The following ZMAT4 variants were observed in gnomAD, a reference collection of about 807,000 sequenced individuals.
The protein encoded by ZMAT4 is zinc finger matrin-type 4.
Under a neutral mutation model 28.7 loss-of-function variants are expected in ZMAT4, and 17 were observed. The observed-to-expected ratio is 0.59, with a 90% confidence interval of 0.41 to 0.89. ZMAT4 has a LOEUF of 0.89. Ranked by LOEUF, ZMAT4 falls within the 40% of genes least tolerant of loss-of-function variation. The pLI is 0.00. For synonymous variants in ZMAT4, 117 were observed against 109.2 expected (o/e 1.07, Z -0.44); for missense variants, 240 against 283.8 (o/e 0.85, Z 1.11).
chr8:40,656,682 C>T (rs1034691352), intron 5 of ZMAT4, among the ~76,000 whole-genome samples: 5 of 151,786 alleles, frequency 3.3e-5, no homozygotes, highest in African/African-American at 7.3e-5. Flanking sequence ...TGAAGAATGT[C>T]GAGACTACCT....
At chr8:40,693,353 C>T (rs1809739155) in intron 4 of ZMAT4, among the ~76,000 whole-genome samples, 1 of 151,982 alleles carries the variant, frequency 6.6e-6, no homozygotes, top group African/African-American at 2.4e-5. Flanking sequence ...TGGGCTCAAG[C>T]AATCCTCCAG....
At chr8:40,741,562 G>A (rs138787433) in intron 3 of ZMAT4, among the ~76,000 whole-genome samples, 1 of 152,208 alleles carries the variant, frequency 6.6e-6, no homozygotes, top group East Asian at 1.9e-4. Flanking sequence ...TAAAAAGATT[G>A]GTAATATCCA....
At chr8:40,848,223 T>A (rs929560977) in intron 1 of ZMAT4, among the ~76,000 whole-genome samples, 7 of 152,126 alleles carry the variant, frequency 4.6e-5, no homozygotes, top group Admixed American at 2.0e-4. Context: ...GAGAAATGAT[T>A]GTCCCAAAGC....
At chr8:40,738,226 C>T (rs1286500951) in intron 3 of ZMAT4, among the ~76,000 whole-genome samples, 1 of 151,944 alleles carries the variant, frequency 6.6e-6, no homozygotes, top group African/African-American at 2.4e-5. Context: ...AGTTGGATTG[C>T]AGTGGAGACA....
chr8:40,849,530 T>C (rs1817026731), intron 1 of ZMAT4, among the ~76,000 whole-genome samples: 1 of 152,194 alleles, frequency 6.6e-6, no homozygotes, highest in African/African-American at 2.4e-5. Flanking sequence ...GGATGCCACC[T>C]GTCCCCTGAA....
chr8:40,815,534 A>C (rs573301932), intron 2 of ZMAT4, among the ~76,000 whole-genome samples: 2 of 152,340 alleles, frequency 1.3e-5, no homozygotes, highest in East Asian at 3.9e-4. Flanking sequence ...TACCACAGGC[A>C]GTGCCCTCAA....
At chr8:40,796,863 C>A (rs1814621566) in intron 2 of ZMAT4, among the ~76,000 whole-genome samples, 1 of 152,202 alleles carries the variant, frequency 6.6e-6, no homozygotes, top group South Asian at 2.1e-4. Context: ...AAGCCACCTG[C>A]TGTGCTCGGA....
chr8:40,734,382 G>A (rs1030135383), intron 3 of ZMAT4, among the ~76,000 whole-genome samples: 13 of 152,116 alleles, frequency 8.5e-5, no homozygotes, highest in Admixed American at 8.5e-4. Context: ...ATGTATCATC[G>A]GCACCTGCGT....
At chr8:40,788,228 C>A (rs544400826) in intron 2 of ZMAT4, among the ~76,000 whole-genome samples, 1 of 152,244 alleles carries the variant, frequency 6.6e-6, no homozygotes, top group South Asian at 2.1e-4. Flanking sequence ...AATGACTCTG[C>A]CAATTAATTC....
intron 5 of ZMAT4, among the ~76,000 whole-genome samples, chr8:40,619,494 A>G (rs1182767521): frequency 6.6e-6 from 1 of 152,124 alleles, no homozygotes; most frequent in Non-Finnish European, 1.5e-5. Flanking sequence ...GCGGACACTA[A>G]TGGGGAAACC....
intron 1 of ZMAT4, among the ~76,000 whole-genome samples, chr8:40,846,211 G>A (rs1426696834): frequency 1.3e-5 from 2 of 152,146 alleles, no homozygotes; most frequent in East Asian, 1.9e-4. Context: ...ACTTGGCGGT[G>A]TTTCTTTTCT....
intron 1 of ZMAT4, among the ~76,000 whole-genome samples, chr8:40,841,115 T>C (rs1043027927): frequency 2.0e-5 from 3 of 152,156 alleles, no homozygotes; most frequent in Non-Finnish European, 4.4e-5. Flanking sequence ...GGAACAACGG[T>C]CCTTGGCAAC....
intron 6 of ZMAT4, among the ~76,000 whole-genome samples, chr8:40,566,264 A>G (rs886290629): frequency 6.6e-6 from 1 of 152,138 alleles, no homozygotes; most frequent in Non-Finnish European, 1.5e-5. Context: ...CATGCTCCAA[A>G]AGGTTGACTA....
At chr8:40,640,708 C>T (rs1261224238) in intron 5 of ZMAT4, among the ~76,000 whole-genome samples, 4 of 151,882 alleles carry the variant, frequency 2.6e-5, no homozygotes, top group Non-Finnish European at 5.9e-5. Flanking sequence ...TGCCTGTAAT[C>T]CCAGCACTTT....
intron 2 of ZMAT4, among the ~76,000 whole-genome samples, chr8:40,775,902 C>T (rs1344060774): frequency 6.6e-6 from 1 of 152,084 alleles, no homozygotes; most frequent in African/African-American, 2.4e-5. Flanking sequence ...GAAGAGACAT[C>T]AGAGATTGTG....
intron 4 of ZMAT4, among the ~76,000 whole-genome samples, chr8:40,680,895 G>A (rs1585869068): frequency 1.3e-5 from 2 of 151,986 alleles, no homozygotes; most frequent in Admixed American, 1.3e-4. Context: ...TTCTCACAAG[G>A]GATGTGGGGG....
intron 5 of ZMAT4, 139 bp from the exon 6 acceptor site, chr8:40,581,400 G>C: frequency 1.7e-6 from 1 of 589,804 alleles, no homozygotes; most frequent in South Asian, 2.3e-5. Context: ...ACCCTTCCTT[G>C]CAGAGCACAG....
At chr8:40,767,248 A>G (rs542950716) in intron 3 of ZMAT4, among the ~76,000 whole-genome samples, 57 of 152,156 alleles carry the variant, frequency 3.7e-4, no homozygotes, top group Non-Finnish European at 7.5e-4. Context: ...TGTTTTATAC[A>G]CCAGAGGAAA....
At chr8:40,872,135 G>A (rs962830629) in intron 1 of ZMAT4, among the ~76,000 whole-genome samples, 2 of 152,154 alleles carry the variant, frequency 1.3e-5, no homozygotes, top group Admixed American at 6.5e-5. Context: ...ACTGACTGAG[G>A]AGCTGCTCAA....
Sources: gnomAD v4.1 joint callset for allele counts (sites outside exome capture counted in the v4.1 genomes callset) on GRCh38, gnomAD v4.1.1 for gene constraint, MANE v1.5 for transcripts, NCBI Gene and HGNC (gene_info 2026-07-23, HGNC 2026-07-21) for gene names.